CNKSR3: variants seen among roughly 807,000 people sequenced by gnomAD.
The protein encoded by CNKSR3 is CNKSR family member 3.
A neutral mutation model predicts 67.7 loss-of-function variants in CNKSR3; 36 were observed. That is an observed-to-expected ratio of 0.53 (90% CI 0.41 to 0.70). The LOEUF (loss-of-function observed/expected upper bound fraction) is 0.70, where lower values mean the gene tolerates loss of function less well. Ranked by LOEUF, CNKSR3 falls within the 30% of genes least tolerant of loss-of-function variation. The pLI is 0.00. For synonymous variants in CNKSR3, 281 were observed against 271.4 expected (o/e 1.04, Z -0.35); for missense variants, 630 against 695.2 (o/e 0.91, Z 1.05).
intron 1 of CNKSR3, among the ~76,000 whole-genome samples, chr6:154,451,520 CTCGT>C: frequency 9.3e-6 from 1 of 107,862 alleles, no homozygotes; most frequent in African/African-American, 3.7e-5. Flanking sequence ...CACGCGCACA[CTCGT>C]GCACACACGC....
intron 2 of CNKSR3, among the ~76,000 whole-genome samples, chr6:154,446,562 AAAC>A (rs1440305140): frequency 1.3e-5 from 2 of 152,240 alleles, no homozygotes; most frequent in Non-Finnish European, 2.9e-5. Flanking sequence ...GGTGAATAAT[AAAC>A]AACAAATAAT....
At chr6:154,417,708 A>G (rs563141675) in intron 9 of CNKSR3, among the ~76,000 whole-genome samples, 5 of 152,300 alleles carry the variant, frequency 3.3e-5, no homozygotes, top group African/African-American at 1.2e-4. Context: ...CTGGTGTCCC[A>G]TAAGATTAAG....
chr6:154,422,437 T>C (rs1785164687), intron 9 of CNKSR3, 69 bp downstream of exon 9: 6 of 1,460,938 alleles, frequency 4.1e-6, no homozygotes, highest in Non-Finnish European at 5.7e-6. Context: ...AATTTTAATC[T>C]CTTTTTGTTT....
chr6:154,500,102 T>G (rs1401681597), intron 1 of CNKSR3, among the ~76,000 whole-genome samples: 1 of 152,206 alleles, frequency 6.6e-6, no homozygotes, highest in East Asian at 1.9e-4. Flanking sequence ...ACATGAAGTC[T>G]GATCCACCCT....
rs555711443 is a variant in CNKSR3 at position 154,466,524 on chromosome 6, C to T, written c.53-16266G>A. Among the ~76,000 whole-genome samples, 8 of 152,238 alleles carry T rather than the reference C, an allele frequency of 5.3e-5. No homozygotes were observed. In the East Asian group the frequency reaches 7.7e-4, roughly 15 times the overall value. On this transcript the variant is annotated intron_variant, in intron 1 of 12. Transcript: ENST00000607772. ...GCCCTTATGGAAACAACTAGGTGATCCCTTAAAGAAAACATGTTGGGGATG... is the reference window on the plus strand; with the variant it reads ...GCCCTTATGGAAACAACTAGGTGATTCCTTAAAGAAAACATGTTGGGGATG...
intron 1 of CNKSR3, among the ~76,000 whole-genome samples, chr6:154,501,471 C>T (rs10457904): frequency 0.38 from 57,917 of 151,984 alleles, 11,461 homozygotes; most frequent in Middle Eastern, 0.5. Context: ...GCTCTTCACC[C>T]ATCACCCCCA....
At chr6:154,485,696 C>T (rs1045227037) in intron 1 of CNKSR3, among the ~76,000 whole-genome samples, 5 of 152,188 alleles carry the variant, frequency 3.3e-5, no homozygotes, top group East Asian at 3.8e-4. Flanking sequence ...CCTCGCTGCA[C>T]AGGCAATCTA....
chr6:154,438,513 T>C (rs1389333866), intron 4 of CNKSR3, among the ~76,000 whole-genome samples: 6 of 152,118 alleles, frequency 3.9e-5, no homozygotes, highest in African/African-American at 1.4e-4. Context: ...AATTATCTGG[T>C]AAGGTAAATA....
In CNKSR3 at chr6:154,397,441, G is replaced by A. The variant is rs928896839; in HGVS notation, c.*8913C>T. ...TTGGAGGGGATTTAATTGCTCATCT[G>A]ATCTGAATGCCCATGACCAGCTCTT... On this transcript the variant is annotated 3_prime_UTR_variant, in exon 13 of 13. Coordinates refer to ENST00000607772, the MANE Select transcript of CNKSR3 (RefSeq NM_173515.4). 4 of 152,236 alleles carry A rather than the reference G, an allele frequency of 2.6e-5. No homozygotes were observed. Among genetic ancestry groups the A allele is most frequent in the Admixed American group, 6.5e-5 (1 of 15,278 alleles). The allele number at this position is 152,236 out of a possible 1,614,324, so 9.4% of individuals were successfully genotyped here.
At chr6:154,447,310 A>AT (rs914316975) in intron 2 of CNKSR3, among the ~76,000 whole-genome samples, 37 of 150,812 alleles carry the variant, frequency 2.5e-4, no homozygotes, top group Middle Eastern at 3.4e-3. Context: ...GAGGAACTGA[A>AT]TTTTTTTTTT....
chr6:154,454,015 T>C (rs1785894001), intron 1 of CNKSR3, among the ~76,000 whole-genome samples: 1 of 151,562 alleles, frequency 6.6e-6, no homozygotes. Context: ...CCAGACCTAC[T>C]CTACTGTCAT....
At chr6:154,418,540 C>T (rs1766136293) in intron 9 of CNKSR3, among the ~76,000 whole-genome samples, 1 of 152,184 alleles carries the variant, frequency 6.6e-6, no homozygotes, top group African/African-American at 2.4e-5. Context: ...ATACCTCTCT[C>T]TCCTTCAGAA....
rs1785268603 is a variant in CNKSR3, at chr6:154,426,950, G to C, written c.729+1178C>G. ...GTACTGAGTCTCGATCAAGGATGAA[G>C]GAAGAATCGTGTGTTGCATCTTGTG... On this transcript the variant is annotated intron_variant, in intron 7 of 12. Coordinates refer to ENST00000607772, the MANE Select transcript of CNKSR3 (RefSeq NM_173515.4). 2.0e-5 allele frequency among the ~76,000 whole-genome samples: 3 copies of C among 152,164 alleles called. No homozygotes were observed. The South Asian group carries it at 6.2e-4, about 32-fold the overall frequency.
chr6:154,476,777 G>A (rs76069190), intron 1 of CNKSR3, among the ~76,000 whole-genome samples: 3 of 152,048 alleles, frequency 2.0e-5, no homozygotes, highest in Admixed American at 2.0e-4. Flanking sequence ...CATTAACTCA[G>A]GTTGAATGTA....
chr6:154,429,064 A>T (rs1327713126), intron 6 of CNKSR3, among the ~76,000 whole-genome samples: 1 of 152,242 alleles, frequency 6.6e-6, no homozygotes, highest in African/African-American at 2.4e-5. Context: ...AGGTAAACTC[A>T]GAGGCCAATG....
At chr6:154,477,386 C>G (rs751404153) in intron 1 of CNKSR3, among the ~76,000 whole-genome samples, 11 of 152,128 alleles carry the variant, frequency 7.2e-5, no homozygotes, top group Non-Finnish European at 1.3e-4. Context: ...TCTCGGCTCA[C>G]TGCAACCTCT....
In CNKSR3 at chr6:154,450,087, G is replaced by C; in HGVS notation, c.216+8C>G. 1.9e-6 allele frequency: 3 copies of C among 1,613,506 alleles called. No homozygotes were observed. The highest frequency in any genetic ancestry group is 2.5e-6 in the Non-Finnish European group (3 of 1,179,718). ...ATCACGGTACAGACCGTCTTTTCCT[G>C]AACTAACCAGTGCACAGAGAAGGTC... On this transcript the variant is annotated splice_region_variant and intron_variant, in intron 2 of 12. Transcript: ENST00000607772.
chr6:154,441,996 A>G (rs1378523544), intron 3 of CNKSR3, 92 bp downstream of exon 3: 12 of 1,194,112 alleles, frequency 1.0e-5, no homozygotes, highest in Admixed American at 2.6e-5. Flanking sequence ...GAAAAGAACA[A>G]TGGTTCCTTT....
chr6:154,475,387 A>C (rs1444753045), intron 1 of CNKSR3, among the ~76,000 whole-genome samples: 1 of 152,060 alleles, frequency 6.6e-6, no homozygotes, highest in African/African-American at 2.4e-5. Flanking sequence ...GGCAGGACCC[A>C]GCAATAATCC....
Sources: gnomAD v4.1 joint callset for allele counts (sites outside exome capture counted in the v4.1 genomes callset) on GRCh38, gnomAD v4.1.1 for gene constraint, MANE v1.5 for transcripts, NCBI Gene and HGNC (gene_info 2026-07-23, HGNC 2026-07-21) for gene names.